Variants in ADD3 observed in about 807,000 individuals in gnomAD.
The protein encoded by ADD3 is gamma-adducin.
A neutral mutation model predicts 80.2 loss-of-function variants in ADD3; 25 were observed. That is an observed-to-expected ratio of 0.31 (90% confidence interval 0.23 to 0.44). The LOEUF is 0.44. Ranked by LOEUF, ADD3 falls within the 20% of genes least tolerant of loss-of-function variation. The pLI is 1.00. For synonymous variants in ADD3, 284 were observed against 289.6 expected, an observed-to-expected ratio of 0.98 and a Z score of 0.20; for missense variants, 829 against 847.5, an observed-to-expected ratio of 0.98 and a Z score of 0.27.
intron 12 of ADD3, among the ~76,000 whole-genome samples, chr10:110,129,040 T>A (rs1276966861): frequency 6.6e-6 from 1 of 152,316 alleles, no homozygotes; most frequent in East Asian, 1.9e-4. Context: ...TGGGACTATT[T>A]AGTTTATCTG....
At chr10:110,064,299 A>G (rs956748595) in intron 1 of ADD3, among the ~76,000 whole-genome samples, 2 of 152,180 alleles carry the variant, frequency 1.3e-5, no homozygotes, top group Admixed American at 1.3e-4. Context: ...GTGTGTCTCC[A>G]ACTTTTGCAG....
intron 1 of ADD3, among the ~76,000 whole-genome samples, chr10:110,065,912 A>C (rs7081939): frequency 0.93 from 142,002 of 151,970 alleles, 66,577 homozygotes; most frequent in East Asian, 1. Context: ...TTTTTCAAGT[A>C]TGTATTTTAG....
intron 1 of ADD3, among the ~76,000 whole-genome samples, chr10:110,040,933 T>TCA (rs2070870430): frequency 7.9e-6 from 1 of 125,948 alleles, no homozygotes; most frequent in Non-Finnish European, 1.7e-5. Context: ...TCTCTCGCTC[T>TCA]CTCTCTCTCT....
intron 12 of ADD3, among the ~76,000 whole-genome samples, chr10:110,128,342 A>G (rs1027712764): frequency 3.3e-5 from 5 of 151,310 alleles, no homozygotes; most frequent in African/African-American, 9.7e-5. Flanking sequence ...TTATCTTTGT[A>G]TCCTACTTTC....
At chr10:110,021,907 A>G (rs1853721205) in intron 1 of ADD3, among the ~76,000 whole-genome samples, 1 of 152,230 alleles carries the variant, frequency 6.6e-6, no homozygotes, top group Non-Finnish European at 1.5e-5. Flanking sequence ...CAGGAAAAAA[A>G]ATCTGTGCGT....
At chr10:110,089,304 CCT>C (rs1433153224) in intron 1 of ADD3, among the ~76,000 whole-genome samples, 1 of 152,142 alleles carries the variant, frequency 6.6e-6, no homozygotes, top group African/African-American at 2.4e-5. Context: ...CTTTTTAAAA[CCT>C]CTCATTTATC....
Position 110,059,075 on chromosome 10 carries a change from G to T in ADD3, c.-29-41550G>T, listed in dbSNP as rs144254647. On this transcript the variant is annotated intron_variant, in intron 1 of 14. Transcript: ENST00000356080. ...ACCTTGGGCCTGGGTTAGGTGCCTT[G>T]TCTGTTAGCTGACACAGGATCCTAT... Among the ~76,000 whole-genome samples the T allele has an allele frequency of 3.6e-3, 555 of 152,214 alleles. 3 individuals are homozygous for T. Among genetic ancestry groups the T allele is most frequent in the African/African-American group, 0.013 (521 of 41,536 alleles).
intron 1 of ADD3, among the ~76,000 whole-genome samples, chr10:110,042,778 A>G (rs1381216306): frequency 6.6e-6 from 1 of 151,590 alleles, no homozygotes; most frequent in Non-Finnish European, 1.5e-5. Flanking sequence ...TACTGCTTCA[A>G]TTTCTATCAT....
intron 1 of ADD3, among the ~76,000 whole-genome samples, chr10:110,040,684 A>C (rs1024038386): frequency 1.1e-4 from 17 of 152,202 alleles, no homozygotes; most frequent in Admixed American, 7.2e-4. Context: ...CTTTGGCAAC[A>C]GTATTGAGAG....
intron 1 of ADD3, among the ~76,000 whole-genome samples, chr10:110,058,656 G>A (rs892051644): frequency 1.3e-5 from 2 of 152,170 alleles, no homozygotes; most frequent in African/African-American, 4.8e-5. Context: ...CATTTTCTTG[G>A]GGAAAAAATG....
At chr10:110,077,579 G>T (rs1014879073) in intron 1 of ADD3, among the ~76,000 whole-genome samples, 5 of 152,122 alleles carry the variant, frequency 3.3e-5, no homozygotes, top group African/African-American at 9.7e-5. Context: ...TTTTATTTCT[G>T]TCATAATGAT....
intron 2 of ADD3, chr10:110,112,195 A>T (rs905905540): frequency 6.6e-6 from 1 of 152,036 alleles, no homozygotes; most frequent in Admixed American, 6.6e-5. Flanking sequence ...ATCTCGGCTC[A>T]CCACATCCTC....
intron 4 of ADD3, among the ~76,000 whole-genome samples, chr10:110,116,707 C>T (rs887013650): frequency 6.6e-6 from 1 of 152,194 alleles, no homozygotes; most frequent in African/African-American, 2.4e-5. Flanking sequence ...ATAATTATGT[C>T]TGAGCATCAG....
intron 9 of ADD3, 79 bp downstream of exon 9, chr10:110,122,371 T>C: frequency 7.8e-7 from 1 of 1,279,742 alleles, no homozygotes; most frequent in Non-Finnish European, 1.1e-6. Flanking sequence ...TTGTAGAACA[T>C]GCTCCATACT....
intron 1 of ADD3, among the ~76,000 whole-genome samples, chr10:110,035,678 A>G (rs1284076837): frequency 6.6e-6 from 1 of 152,226 alleles, no homozygotes; most frequent in Admixed American, 6.5e-5. Context: ...TTGTTAAACC[A>G]TAAATTGCTA....
chr10:110,022,515 A>G (rs1278811713), intron 1 of ADD3, among the ~76,000 whole-genome samples: 1 of 152,148 alleles, frequency 6.6e-6, no homozygotes, highest in Non-Finnish European at 1.5e-5. Flanking sequence ...TATTTCAAAT[A>G]TATATATTTA....
intron 1 of ADD3, among the ~76,000 whole-genome samples, chr10:110,046,865 CACCTTAAATAAA>C (rs1261708044): frequency 6.6e-6 from 1 of 152,076 alleles, no homozygotes; most frequent in African/African-American, 2.4e-5. Context: ...AAAAGAATAA[CACCTTAAATAAA>C]TACTGTCATA....
intron 1 of ADD3, among the ~76,000 whole-genome samples, chr10:110,058,033 G>A (rs933187657): frequency 7.9e-5 from 12 of 151,964 alleles, no homozygotes; most frequent in Non-Finnish European, 7.4e-5. Flanking sequence ...GGGACAAAAT[G>A]ATTTTCCCAC....
At chr10:110,111,954 G>T (rs927443138) in intron 2 of ADD3, among the ~76,000 whole-genome samples, 2 of 152,012 alleles carry the variant, frequency 1.3e-5, no homozygotes, top group African/African-American at 2.4e-5. Context: ...CCACAGTGTT[G>T]CAGAGAGTGA....
Sources: gnomAD v4.1 joint callset for allele counts (sites outside exome capture counted in the v4.1 genomes callset) on GRCh38, gnomAD v4.1.1 for gene constraint, MANE v1.5 for transcripts, NCBI Gene and HGNC (gene_info 2026-07-23, HGNC 2026-07-21) for gene names.